SLC25A46: variants seen among roughly 807,000 people sequenced by gnomAD.
The protein encoded by SLC25A46 is mitochondrial outer membrane protein SLC25A46.
SLC25A46 carries 39 observed loss-of-function variants against 44.6 expected under a neutral mutation model. That is an observed-to-expected ratio of 0.87 (90% confidence interval 0.68 to 1.14). SLC25A46 has a LOEUF of 1.14. Ranked by LOEUF, SLC25A46 falls within the 50% of genes most tolerant of loss-of-function variation. The pLI, the probability that SLC25A46 is intolerant of heterozygous loss-of-function variation, is 0.00. For missense variants in SLC25A46, 547 were observed against 522.7 expected (o/e 1.05, Z -0.45); for synonymous variants, 202 against 185.8 (o/e 1.09, Z -0.71).
intron 2 of SLC25A46, among the ~76,000 whole-genome samples, chr5:110,743,007 T>TA (rs1452069303): frequency 1.3e-5 from 2 of 152,178 alleles, no homozygotes; most frequent in African/African-American, 2.4e-5. Flanking sequence ...TCAATATAAA[T>TA]AAAATCTGTG....
At chr5:110,747,630 A>G (rs1389758468) in intron 4 of SLC25A46, among the ~76,000 whole-genome samples, 1 of 152,154 alleles carries the variant, frequency 6.6e-6, no homozygotes. Context: ...TCAAATTGAT[A>G]TAAAGTAATA....
chr5:110,745,185 G>T (rs191823144), intron 3 of SLC25A46, among the ~76,000 whole-genome samples: 2 of 152,086 alleles, frequency 1.3e-5, no homozygotes, highest in African/African-American at 2.4e-5. Flanking sequence ...AACTTGTCAA[G>T]CCCCTGAAAG....
Position 110,761,949 on chromosome 5 carries a change from T to C in SLC25A46, c.*167T>C. 1.7e-6 allele frequency: 1 copy of C among 578,916 alleles called. No individual in the cohort carries two copies. The highest frequency in any genetic ancestry group is 2.9e-6 in the Non-Finnish European group (1 of 339,166). The allele number at this position is 578,916 out of a possible 1,614,324, so 35.9% of individuals were successfully genotyped here. ...GACTTTGTTTTTTAAGGCATAGGTA[T>C]ATATTTTGGATCAAAATCCTTCCAA... On this transcript the variant is annotated 3_prime_UTR_variant, in exon 8 of 8. Transcript: ENST00000355943. The surrounding 1 kb of genome is among the most constrained non-coding windows in gnomAD (Gnocchi z 5.3).
At position 110,762,371 on chromosome 5, in the gene SLC25A46, C is replaced by A. The variant is rs2150419917; in HGVS notation, c.*589C>A. 1 of 151,992 alleles carries A rather than the reference C, an allele frequency of 6.6e-6. No homozygotes were observed. Among genetic ancestry groups the A allele is most frequent in the South Asian group, 2.1e-4 (1 of 4,824 alleles). 9.4% of individuals were successfully genotyped at this position (151,992 alleles called of 1,614,324 possible). ...GGCTATATATATGTATTTTATAAAG[C>A]CATTTATGTATACACATGTAACTTG... On this transcript the variant is annotated 3_prime_UTR_variant, in exon 8 of 8. Transcript: ENST00000355943.
chr5:110,755,385 C>T (rs975317917), intron 5 of SLC25A46, 80 bp from the exon 6 acceptor site: 1 of 825,780 alleles, frequency 1.2e-6, no homozygotes, highest in Non-Finnish European at 2.0e-6. Context: ...AAGTTGATTA[C>T]TGTTTTGAAA....
chr5:110,759,682 A>G (rs1800199920), intron 7 of SLC25A46, among the ~76,000 whole-genome samples: 1 of 152,134 alleles, frequency 6.6e-6, no homozygotes, highest in Non-Finnish European at 1.5e-5. Context: ...CATTGTAATA[A>G]TTGGGCTTTT....
chr5:110,761,682 A>T lies in SLC25A46; in HGVS notation c.1157A>T (p.Tyr386Phe). 1 of 1,613,536 alleles carries T rather than the reference A, an allele frequency of 6.2e-7. No homozygotes were observed. Among genetic ancestry groups the T allele is most frequent in the Non-Finnish European group, 8.5e-7 (1 of 1,179,688 alleles). The stretch of plus-strand genomic sequence containing the variant: ...CAGGAGGAAGGAGTGTTTGGTTTTT[A>T]TAAAGGGTTTGGTGCTGTTATAATA... ...IRQEEGVFGF[Y>F]KGFGAVIIQY... The change falls in exon 8 of 8, where the codon TAT becomes TTT. Residue 386 changes from tyrosine to phenylalanine, a missense_variant. Tyr to Phe is a conservative substitution (Grantham distance 22). Coordinates refer to ENST00000355943, the MANE Select transcript of SLC25A46 (RefSeq NM_138773.4). The surrounding 1 kb of genome is among the most constrained non-coding windows in gnomAD (Gnocchi z 5.3).
intron 4 of SLC25A46, among the ~76,000 whole-genome samples, chr5:110,747,090 A>G (rs1014962059): frequency 2.0e-5 from 3 of 152,222 alleles, no homozygotes; most frequent in Non-Finnish European, 4.4e-5. Context: ...ATTAAAATTT[A>G]AAATGTACAT....
chr5:110,743,612 A>G, intron 2 of SLC25A46, 118 bp from the exon 3 acceptor site: 1 of 530,158 alleles, frequency 1.9e-6, no homozygotes, highest in Non-Finnish European at 3.2e-6. Flanking sequence ...TTGTTTAAGA[A>G]TGGAAAACAT....
Position 110,762,378 on chromosome 5 carries a change from T to C in SLC25A46, c.*596T>C, listed in dbSNP as rs1561610825. 6.6e-6 allele frequency: 1 copy of C among 152,002 alleles called. No individual in the cohort carries two copies. Among genetic ancestry groups the C allele is most frequent in the Non-Finnish European group, 1.5e-5 (1 of 67,990 alleles). The allele number at this position is 152,002 out of a possible 1,614,324, so 9.4% of individuals were successfully genotyped here. Reference sequence around the variant, plus strand: ...TATATGTATTTTATAAAGCCATTTATGTATACACATGTAACTTGGAATTTC... The same window carrying C: ...TATATGTATTTTATAAAGCCATTTACGTATACACATGTAACTTGGAATTTC... On this transcript the variant is annotated 3_prime_UTR_variant, in exon 8 of 8. Coordinates refer to ENST00000355943, the MANE Select transcript of SLC25A46 (RefSeq NM_138773.4).
intron 1 of SLC25A46, among the ~76,000 whole-genome samples, chr5:110,740,113 T>C (rs2150405938): frequency 6.6e-6 from 1 of 152,320 alleles, no homozygotes; most frequent in African/African-American, 2.4e-5. Flanking sequence ...TTCGGAATCA[T>C]GACATAATTA....
At chr5:110,750,052 C>T (rs1227528193) in intron 5 of SLC25A46, among the ~76,000 whole-genome samples, 11 of 151,974 alleles carry the variant, frequency 7.2e-5, no homozygotes, top group Non-Finnish European at 1.2e-4. Flanking sequence ...ACTAGTGTAA[C>T]GCATATGCCC....
At chr5:110,753,446 C>T (rs1250158365) in intron 5 of SLC25A46, 1 of 151,372 alleles carries the variant, frequency 6.6e-6, no homozygotes, top group Non-Finnish European at 1.5e-5. Flanking sequence ...AAATGAAAAA[C>T]TAGACTGTTT....
chr5:110,743,000 A>C (rs1170895002), intron 2 of SLC25A46, among the ~76,000 whole-genome samples: 1 of 152,104 alleles, frequency 6.6e-6, no homozygotes, highest in Non-Finnish European at 1.5e-5. Context: ...GTTAATGTCA[A>C]TATAAATAAA....
chr5:110,755,454 T>G lies in SLC25A46; in HGVS notation c.564-11T>G. ...GCTTTTGTTTTATTTAAGTTTATTT[T>G]TATGTTTTAGGGAGGTTTTACATAA... is the stretch of plus-strand genomic sequence containing the variant. On this transcript the variant is annotated splice_polypyrimidine_tract_variant and intron_variant, in intron 5 of 7. Transcript: ENST00000355943. The G allele has an allele frequency of 6.6e-7, 1 of 1,511,206 alleles. No individual in the cohort carries two copies. 93.6% of individuals were successfully genotyped at this position (1,511,206 alleles called of 1,614,324 possible). A position where few individuals can be genotyped will look rare whatever the true frequency, so the allele number is the denominator to read the frequency against.
At position 110,762,350 on chromosome 5, in the gene SLC25A46, A is replaced by T. The variant is rs1310919118; in HGVS notation, c.*568A>T. ...TCCCTATGTAACTATCTTAATGGCT[A>T]TATATATGTATTTTATAAAGCCATT... On this transcript the variant is annotated 3_prime_UTR_variant, in exon 8 of 8. Coordinates refer to ENST00000355943, the MANE Select transcript of SLC25A46 (RefSeq NM_138773.4). The T allele has an allele frequency of 6.6e-6, 1 of 152,118 alleles. No homozygotes were observed. The highest frequency in any genetic ancestry group is 2.4e-5 in the African/African-American group (1 of 41,394). The allele number at this position is 152,118 out of a possible 1,614,324, so 9.4% of individuals were successfully genotyped here.
chr5:110,741,585 A>C (rs1306689314), intron 1 of SLC25A46: 1 of 152,492 alleles, frequency 6.6e-6, no homozygotes, highest in Non-Finnish European at 1.5e-5. Context: ...CAACCATGGA[A>C]AATTTTTTAT....
At chr5:110,751,133 A>G (rs1052423206) in intron 5 of SLC25A46, among the ~76,000 whole-genome samples, 3 of 152,122 alleles carry the variant, frequency 2.0e-5, no homozygotes, top group African/African-American at 7.2e-5. Context: ...TTACTTGGCT[A>G]ACATTTCCTG....
chr5:110,751,531 C>T (rs770682058), intron 5 of SLC25A46, among the ~76,000 whole-genome samples: 1 of 152,140 alleles, frequency 6.6e-6, no homozygotes, highest in Non-Finnish European at 1.5e-5. Flanking sequence ...GGAGCCAGAA[C>T]ATGTGTGGCC....
Sources: gnomAD v4.1 joint callset for allele counts (sites outside exome capture counted in the v4.1 genomes callset) on GRCh38, gnomAD v4.1.1 for gene constraint, Gnocchi (gnomAD v3.1) non-coding constraint, MANE v1.5 for transcripts, NCBI Gene and HGNC (gene_info 2026-07-23, HGNC 2026-07-21) for gene names.